Variants in GK5 observed in about 807,000 individuals in gnomAD.
The protein encoded by GK5 is ATP:glycerol 3-phosphotransferase 5.
GK5 carries 39 observed loss-of-function variants against 77.3 expected under a neutral mutation model. The observed-to-expected ratio is 0.50, with a 90% CI of 0.39 to 0.66. The LOEUF (loss-of-function observed/expected upper bound fraction) is 0.66, where lower values mean the gene tolerates loss of function less well. Ranked by LOEUF, GK5 falls within the 30% of genes least tolerant of loss-of-function variation. The probability of loss-of-function intolerance (pLI) is 0.00; values close to 1 mark genes in which losing one functional copy is unlikely to be tolerated. For synonymous variants in GK5, 211 were observed against 208.0 expected, an observed-to-expected ratio of 1.01 and a Z score of -0.13; for missense variants, 487 against 633.8, an observed-to-expected ratio of 0.77 and a Z score of 2.49.
intron 1 of GK5, among the ~76,000 whole-genome samples, chr3:142,222,323 T>C (rs2064361116): frequency 6.6e-6 from 1 of 152,168 alleles, no homozygotes; most frequent in Non-Finnish European, 1.5e-5. Flanking sequence ...CCCAGCACTT[T>C]GGGAGGCCGA....
intron 15 of GK5, among the ~76,000 whole-genome samples, chr3:142,168,733 C>A (rs537497146): frequency 1.3e-3 from 187 of 138,776 alleles, no homozygotes; most frequent in African/African-American, 3.5e-3. Flanking sequence ...CCCACCCCCC[C>A]ACCCCCGGTT....
intron 6 of GK5, among the ~76,000 whole-genome samples, chr3:142,187,298 AG>A (rs999579518): frequency 5.9e-5 from 9 of 151,810 alleles, no homozygotes; most frequent in African/African-American, 2.2e-4. Flanking sequence ...GAGTACAGGA[AG>A]GGGGAAAAAA....
At chr3:142,182,840 G>A in intron 10 of GK5, 83 bp downstream of exon 10, 1 of 899,122 alleles carries the variant, frequency 1.1e-6, no homozygotes, top group East Asian at 2.6e-5. Flanking sequence ...CACAAAATGG[G>A]AAAATAGTAT....
At chr3:142,185,061 C>G (rs1371871875) in intron 9 of GK5, 24 of 985,202 alleles carry the variant, frequency 2.4e-5, no homozygotes, top group Non-Finnish European at 2.9e-5. Context: ...AACAGGTGGT[C>G]TCTACCTCCT....
intron 5 of GK5, among the ~76,000 whole-genome samples, chr3:142,189,877 T>G (rs2063824656): frequency 6.6e-6 from 1 of 152,220 alleles, no homozygotes; most frequent in Non-Finnish European, 1.5e-5. Flanking sequence ...AGCATTATGT[T>G]AAGGCTCTCA....
At chr3:142,180,170 G>A (rs567267535) in intron 11 of GK5, among the ~76,000 whole-genome samples, 77 of 152,228 alleles carry the variant, frequency 5.1e-4, no homozygotes, top group African/African-American at 1.4e-3. Flanking sequence ...GCTTCTTCCC[G>A]TGCGCCCACT....
rs182093456 is a variant in GK5, at chr3:142,164,922, T to C, written c.*700A>G. The C allele has an allele frequency of 1.3e-5, 2 of 152,714 alleles. No individual in the cohort carries two copies. Among genetic ancestry groups the C allele is most frequent in the Admixed American group, 6.5e-5 (1 of 15,302 alleles). 9.5% of individuals were successfully genotyped at this position (152,714 alleles called of 1,614,324 possible). On this transcript the variant is annotated 3_prime_UTR_variant, in exon 16 of 16. Transcript: ENST00000392993. ...TTTTTCTGTTTCTTAAAAATCAATATTCTTTCTAGTTCATTAACTAAAATT... is the reference window on the plus strand; with the variant it reads ...TTTTTCTGTTTCTTAAAAATCAATACTCTTTCTAGTTCATTAACTAAAATT...
At chr3:142,206,973 A>G (rs1180321667) in intron 3 of GK5, among the ~76,000 whole-genome samples, 1 of 152,250 alleles carries the variant, frequency 6.6e-6, no homozygotes, top group African/African-American at 2.4e-5. Flanking sequence ...AACTATGGCT[A>G]CAGAATAAAA....
At chr3:142,182,350 A>ATTTTTTTTTTTT (rs144059110) in intron 10 of GK5, among the ~76,000 whole-genome samples, 5 of 147,784 alleles carry the variant, frequency 3.4e-5, no homozygotes, top group African/African-American at 1.2e-4. Context: ...TAGTAAGAAG[A>ATTTTTTTTTTTT]TTTTTTTTTT....
chr3:142,172,400 G>A lies in GK5; in HGVS notation c.1200C>T (p.Thr400=). ...CASFMGLKPS[T]SKYHLVRAIL... ...TTGCTCGTACAAGATGGTATTTACT[G>A]GTAGAAGGCTTCAAACCCATAAAAG... is the stretch of plus-strand genomic sequence containing the variant. The change falls in exon 13 of 16, where the codon ACC becomes ACT. Residue 400 remains threonine, a synonymous_variant. Transcript: ENST00000392993. 1 of 1,605,986 alleles carries A rather than the reference G, an allele frequency of 6.2e-7. No individual in the cohort carries two copies.
intron 4 of GK5, among the ~76,000 whole-genome samples, chr3:142,199,161 C>T (rs1577134501): frequency 2.0e-5 from 3 of 152,004 alleles, no homozygotes; most frequent in African/African-American, 7.2e-5. Context: ...TAGCAAATAC[C>T]AGATGCTCAG....
At chr3:142,175,932 T>G (rs538047309) in intron 12 of GK5, among the ~76,000 whole-genome samples, 41 of 151,318 alleles carry the variant, frequency 2.7e-4, no homozygotes, top group African/African-American at 9.7e-4. Flanking sequence ...AGGTGACTAC[T>G]AAGTCCTGTA....
At chr3:142,189,079 A>G (rs555574516) in intron 5 of GK5, among the ~76,000 whole-genome samples, 4 of 152,262 alleles carry the variant, frequency 2.6e-5, no homozygotes, top group African/African-American at 9.6e-5. Flanking sequence ...CATTCTATAG[A>G]TAGCTTCCAT....
chr3:142,218,615 T>C (rs1284956112), intron 1 of GK5, among the ~76,000 whole-genome samples: 1 of 150,474 alleles, frequency 6.6e-6, no homozygotes, highest in Non-Finnish European at 1.5e-5. Context: ...TGGATCAAGA[T>C]CTAAATGTAA....
chr3:142,203,177 T>A (rs1047789739), intron 4 of GK5, among the ~76,000 whole-genome samples: 2 of 152,202 alleles, frequency 1.3e-5, no homozygotes, highest in East Asian at 3.8e-4. Context: ...TAACCACTTT[T>A]ACTCCCTCAA....
intron 11 of GK5, among the ~76,000 whole-genome samples, chr3:142,179,024 C>T (rs2063658978): frequency 6.6e-6 from 1 of 152,082 alleles, no homozygotes. Flanking sequence ...AGTTAAATAC[C>T]TTTTCACTGG....
intron 5 of GK5, among the ~76,000 whole-genome samples, chr3:142,191,348 G>A (rs2063847630): frequency 6.6e-6 from 1 of 151,734 alleles, no homozygotes; most frequent in South Asian, 2.1e-4. Context: ...TAATTTAAAG[G>A]ACTAGTTAAA....
intron 11 of GK5, among the ~76,000 whole-genome samples, chr3:142,179,857 G>A (rs1172059548): frequency 6.6e-6 from 1 of 152,068 alleles, no homozygotes; most frequent in Non-Finnish European, 1.5e-5. Flanking sequence ...AGCCGTCTGG[G>A]GACTCCCTGT....
chr3:142,186,631 T>TTC, intron 6 of GK5, 118 bp from the exon 7 acceptor site: 1 of 145,912 alleles, frequency 6.9e-6, no homozygotes, highest in Non-Finnish European at 1.5e-5. Context: ...GTGTATTTTC[T>TTC]TTTTTTTTTT....
Sources: allele counts gnomAD v4.1 joint callset (sites outside exome capture counted in the v4.1 genomes callset), GRCh38; gene constraint gnomAD v4.1.1; transcripts MANE v1.5; gene names NCBI Gene and HGNC (gene_info 2026-07-23, HGNC 2026-07-21).